The following NRXN1 variants were observed in gnomAD, a reference collection of about 807,000 sequenced individuals.
The protein encoded by NRXN1 is neurexin-1.
NRXN1 carries 39 observed loss-of-function variants against 150.9 expected under a neutral mutation model. The observed-to-expected ratio is 0.26, with a 90% CI of 0.20 to 0.34. The LOEUF (loss-of-function observed/expected upper bound fraction) is 0.34. Among genes scored for constraint, NRXN1 ranks in the 10% least tolerant of loss-of-function variants. The pLI is 1.00. For synonymous variants in NRXN1, 924 were observed against 757.0 expected (o/e 1.22, Z -3.62); for missense variants, 1,815 against 1,949.9 (o/e 0.93, Z 1.30).
chr2:50,881,713 A>C (rs935311196), intron 5 of NRXN1, among the ~76,000 whole-genome samples: 3 of 151,990 alleles, frequency 2.0e-5, no homozygotes, highest in Admixed American at 1.3e-4. Flanking sequence ...GTGCTTATCA[A>C]TAGATTTAAA....
intron 18 of NRXN1, among the ~76,000 whole-genome samples, chr2:50,232,488 A>G (rs1574635837): frequency 6.7e-6 from 1 of 149,016 alleles, no homozygotes; most frequent in Non-Finnish European, 1.5e-5. Flanking sequence ...CTGGGTTCAA[A>G]CGATTCTCCT....
chr2:50,140,004 C>T (rs1340125646), intron 18 of NRXN1, among the ~76,000 whole-genome samples: 1 of 151,888 alleles, frequency 6.6e-6, no homozygotes, highest in Non-Finnish European at 1.5e-5. Context: ...TATATTAACT[C>T]TCCTAAAGCA....
At chr2:50,728,849 A>C (rs983973107) in intron 5 of NRXN1, among the ~76,000 whole-genome samples, 2 of 152,186 alleles carry the variant, frequency 1.3e-5, no homozygotes, top group African/African-American at 4.8e-5. Flanking sequence ...AAGTCATCTC[A>C]GGATTATAGA....
chr2:50,583,871 C>G (rs1672672354), intron 8 of NRXN1, among the ~76,000 whole-genome samples: 5 of 152,152 alleles, frequency 3.3e-5, no homozygotes, highest in Admixed American at 2.6e-4. Flanking sequence ...AAAATTATTA[C>G]AAGTATCTCT....
At chr2:50,202,819 G>GGCCCC (rs2062279127) in intron 18 of NRXN1, among the ~76,000 whole-genome samples, 1 of 152,054 alleles carries the variant, frequency 6.6e-6, no homozygotes, top group African/African-American at 2.4e-5. Context: ...AAATTCTTAA[G>GGCCCC]ATGTGAAAAT....
At chr2:50,183,938 A>C (rs1339832243) in intron 18 of NRXN1, among the ~76,000 whole-genome samples, 1 of 151,918 alleles carries the variant, frequency 6.6e-6, no homozygotes, top group Non-Finnish European at 1.5e-5. Context: ...CAACAGAGTA[A>C]AACTCCTTAG....
intron 5 of NRXN1, among the ~76,000 whole-genome samples, chr2:50,851,083 CAT>C (rs1445266881): frequency 2.0e-5 from 3 of 152,092 alleles, no homozygotes; most frequent in African/African-American, 7.2e-5. Context: ...GATTATGAAA[CAT>C]AGAGATGACC....
chr2:50,964,975 A>G (rs1391147849), intron 2 of NRXN1, among the ~76,000 whole-genome samples: 1 of 151,418 alleles, frequency 6.6e-6, no homozygotes, highest in Non-Finnish European at 1.5e-5. Context: ...TAATAAACAT[A>G]TAATTTCCAG....
chr2:50,857,836 G>C (rs1441423078), intron 5 of NRXN1, among the ~76,000 whole-genome samples: 1 of 151,892 alleles, frequency 6.6e-6, no homozygotes, highest in African/African-American at 2.4e-5. Flanking sequence ...ACAGACAATG[G>C]AATAAAATTC....
intron 17 of NRXN1, among the ~76,000 whole-genome samples, chr2:50,305,093 G>C (rs2074498058): frequency 6.6e-6 from 1 of 151,836 alleles, no homozygotes; most frequent in African/African-American, 2.4e-5. Flanking sequence ...GTCTTGTAGG[G>C]GGTGGGATGG....
chr2:50,759,437 C>T (rs900687496), intron 5 of NRXN1, among the ~76,000 whole-genome samples: 2 of 151,792 alleles, frequency 1.3e-5, no homozygotes, highest in Non-Finnish European at 2.9e-5. Flanking sequence ...TAAAAGGAAT[C>T]GGGCACTAAT....
At chr2:49,980,973 T>C (rs1413959677) in intron 21 of NRXN1, among the ~76,000 whole-genome samples, 1 of 151,924 alleles carries the variant, frequency 6.6e-6, no homozygotes, top group Non-Finnish European at 1.5e-5. Flanking sequence ...CTCATGAAAA[T>C]GAAATAGTAC....
intron 18 of NRXN1, among the ~76,000 whole-genome samples, chr2:50,177,770 ACTAACT>A (rs1210946110): frequency 1.9e-4 from 20 of 107,186 alleles, no homozygotes; most frequent in Non-Finnish European, 3.4e-4. Flanking sequence ...AAACTAACTA[ACTAACT>A]CTCTCTCTCT....
intron 22 of NRXN1, among the ~76,000 whole-genome samples, chr2:49,933,364 G>C (rs1451598171): frequency 1.3e-5 from 2 of 152,094 alleles, no homozygotes; most frequent in Non-Finnish European, 2.9e-5. Context: ...GGGATTACAG[G>C]TGTGAGCCAC....
intron 18 of NRXN1, among the ~76,000 whole-genome samples, chr2:50,216,759 T>C (rs938917606): frequency 3.3e-4 from 50 of 152,190 alleles, no homozygotes; most frequent in South Asian, 2.1e-4. Flanking sequence ...CAAGTTTTAA[T>C]GATCAATGAT....
intron 8 of NRXN1, among the ~76,000 whole-genome samples, chr2:50,616,888 T>C (rs1679148123): frequency 6.6e-6 from 1 of 152,222 alleles, no homozygotes; most frequent in South Asian, 2.1e-4. Context: ...TGCAGTGTGC[T>C]ATCGACCAGG....
chr2:50,330,245 T>C (rs2152984026), intron 17 of NRXN1, among the ~76,000 whole-genome samples: 1 of 152,288 alleles, frequency 6.6e-6, no homozygotes, highest in African/African-American at 2.4e-5. Flanking sequence ...AATAGTGATT[T>C]TCTTTAGATA....
At chr2:50,638,382 T>C (rs937021412) in intron 5 of NRXN1, among the ~76,000 whole-genome samples, 2 of 152,108 alleles carry the variant, frequency 1.3e-5, no homozygotes, top group African/African-American at 4.8e-5. Context: ...CACCTTATTC[T>C]CCATGAAAAT....
chr2:49,987,004 G>A (rs1023075182), intron 21 of NRXN1, among the ~76,000 whole-genome samples: 1 of 151,916 alleles, frequency 6.6e-6, no homozygotes, highest in Non-Finnish European at 1.5e-5. Flanking sequence ...GGTTGAGGCT[G>A]CAGTGAGCCA....
Sources: gnomAD v4.1 joint callset for allele counts (sites outside exome capture counted in the v4.1 genomes callset) on GRCh38, gnomAD v4.1.1 for gene constraint, MANE v1.5 for transcripts, NCBI Gene and HGNC (gene_info 2026-07-23, HGNC 2026-07-21) for gene names.